Variants in MINPP1 observed in about 807,000 individuals in gnomAD.
MINPP1 encodes the protein multiple inositol-polyphosphate phosphatase 1, also known as multiple inositol polyphosphate phosphatase 1.
MINPP1 carries 28 observed loss-of-function variants against 46.1 expected under a neutral mutation model. The observed-to-expected ratio is 0.61, with a 90% CI of 0.45 to 0.83. MINPP1 has a LOEUF of 0.83. Among genes scored for constraint, MINPP1 ranks in the 40% least tolerant of loss-of-function variants. MINPP1 has a pLI of 0.00. For synonymous variants in MINPP1, 268 were observed against 249.1 expected, an observed-to-expected ratio of 1.08 and a Z score of -0.72; for missense variants, 603 against 610.0, an observed-to-expected ratio of 0.99 and a Z score of 0.12.
intron 2 of MINPP1, among the ~76,000 whole-genome samples, chr10:87,509,934 G>A (rs1473983694): frequency 6.6e-6 from 1 of 152,114 alleles, no homozygotes; most frequent in Non-Finnish European, 1.5e-5. Context: ...CTCTGAATGG[G>A]CAAGAATTAT....
intron 4 of MINPP1, among the ~76,000 whole-genome samples, chr10:87,548,593 C>T (rs1330171833): frequency 6.6e-6 from 1 of 151,968 alleles, no homozygotes; most frequent in Non-Finnish European, 1.5e-5. Flanking sequence ...TGAAATTGTG[C>T]TCTTTTTTAA....
intron 4 of MINPP1, among the ~76,000 whole-genome samples, chr10:87,526,648 A>G (rs1168120463): frequency 6.6e-6 from 1 of 152,160 alleles, no homozygotes; most frequent in Non-Finnish European, 1.5e-5. Flanking sequence ...AGTACTGCCT[A>G]GGTTTTCTTC....
intron 1 of MINPP1, chr10:87,507,967 T>C: frequency 7.4e-7 from 1 of 1,353,222 alleles, no homozygotes; most frequent in Non-Finnish European, 9.5e-7. Flanking sequence ...AGATTCCATA[T>C]GTTGAATTCT....
At chr10:87,548,311 C>G (rs763305122) in intron 4 of MINPP1, among the ~76,000 whole-genome samples, 4 of 152,094 alleles carry the variant, frequency 2.6e-5, no homozygotes, top group Non-Finnish European at 1.5e-5. Context: ...TCTTTTATCC[C>G]ACTATTCTTC....
chr10:87,518,472 C>T (rs910229441), intron 3 of MINPP1, among the ~76,000 whole-genome samples: 3 of 151,964 alleles, frequency 2.0e-5, no homozygotes, highest in Admixed American at 1.3e-4. Flanking sequence ...TCTCTCAAGC[C>T]GTGTTTTTCC....
At chr10:87,538,798 G>A (rs1277144822) in intron 4 of MINPP1, among the ~76,000 whole-genome samples, 2 of 152,210 alleles carry the variant, frequency 1.3e-5, no homozygotes, top group Admixed American at 6.5e-5. Context: ...CCTGGATCAT[G>A]TTTAAAAACA....
At chr10:87,531,783 A>C (rs902555853) in intron 4 of MINPP1, among the ~76,000 whole-genome samples, 1 of 152,204 alleles carries the variant, frequency 6.6e-6, no homozygotes, top group Non-Finnish European at 1.5e-5. Context: ...CATGCTATGT[A>C]TGTAAGGTGT....
chr10:87,525,773 T>A (rs907354057), intron 4 of MINPP1, among the ~76,000 whole-genome samples: 1 of 152,242 alleles, frequency 6.6e-6, no homozygotes, highest in Non-Finnish European at 1.5e-5. Flanking sequence ...CTCTCATTGT[T>A]CAGTTCCCAC....
chr10:87,546,826 A>T (rs765625402), intron 4 of MINPP1: 15 of 152,200 alleles, frequency 9.9e-5, no homozygotes, highest in Admixed American at 7.9e-4. Flanking sequence ...GTTACTTGGG[A>T]GGCCTACGTG....
intron 4 of MINPP1, among the ~76,000 whole-genome samples, chr10:87,530,520 G>C (rs1335818482): frequency 8.5e-6 from 1 of 117,854 alleles, no homozygotes; most frequent in African/African-American, 2.6e-5. Flanking sequence ...GGAGGCTGCA[G>C]AACAGCAAAT....
At chr10:87,538,454 T>C (rs1282087687) in intron 4 of MINPP1, among the ~76,000 whole-genome samples, 1 of 152,240 alleles carries the variant, frequency 6.6e-6, no homozygotes, top group Non-Finnish European at 1.5e-5. Context: ...TTTGTATGTT[T>C]TGTTCAGCTT....
At position 87,505,804 on chromosome 10, in the gene MINPP1, C is replaced by A. The variant is rs1171221812; in HGVS notation, c.637+252C>A. Among the ~76,000 whole-genome samples the A allele has an allele frequency of 6.6e-6, 1 of 152,158 alleles. No individual in the cohort carries two copies. The highest frequency in any genetic ancestry group is 1.9e-4 in the East Asian group (1 of 5,186). On this transcript the variant is annotated intron_variant, in intron 1 of 4. Transcript: ENST00000371996. The surrounding 1 kb of genome is among the most constrained non-coding windows in gnomAD (Gnocchi z 4.4). ...TTCAGCACCTTGTACTCGCTGCCTG[C>A]TTTAGTAGAGTTGGGGATCCAACAG...
At chr10:87,513,569 G>A (rs1851367181) in intron 3 of MINPP1, among the ~76,000 whole-genome samples, 1 of 152,120 alleles carries the variant, frequency 6.6e-6, no homozygotes, top group Admixed American at 6.5e-5. Context: ...TTTATGGGAA[G>A]CCAAAGCTCA....
intron 4 of MINPP1, among the ~76,000 whole-genome samples, chr10:87,531,474 A>G (rs1851659753): frequency 6.6e-6 from 1 of 152,236 alleles, no homozygotes; most frequent in Non-Finnish European, 1.5e-5. Context: ...GTGAATTTTC[A>G]TGCATGGCTT....
At chr10:87,534,821 A>G (rs1378401519) in intron 4 of MINPP1, among the ~76,000 whole-genome samples, 1 of 152,234 alleles carries the variant, frequency 6.6e-6, no homozygotes, top group African/African-American at 2.4e-5. Context: ...GAATCTGGAT[A>G]ACTGTGTCAG....
chr10:87,514,649 G>A (rs148803605), intron 3 of MINPP1, among the ~76,000 whole-genome samples: 413 of 152,254 alleles, frequency 2.7e-3, no homozygotes, highest in African/African-American at 9.6e-3. Context: ...AGAGCACTAC[G>A]TAAGTGATAT....
chr10:87,520,808 T>C (rs1851489874), intron 3 of MINPP1, among the ~76,000 whole-genome samples: 1 of 152,156 alleles, frequency 6.6e-6, no homozygotes, highest in Non-Finnish European at 1.5e-5. Context: ...GGCTTGCTCT[T>C]GCACACCAGC....
chr10:87,506,151 C>T (rs1407791227), intron 1 of MINPP1, among the ~76,000 whole-genome samples: 1 of 151,550 alleles, frequency 6.6e-6, no homozygotes, highest in African/African-American at 2.4e-5. Context: ...TTTACTGTAG[C>T]GTTCCCATCG....
Position 87,552,109 on chromosome 10 carries a change from C to T in MINPP1, c.1095C>T (p.Ile365=). 6.2e-7 allele frequency: 1 copy of T among 1,613,062 alleles called. No homozygotes were observed. Among genetic ancestry groups the T allele is most frequent in the South Asian group, 1.1e-5 (1 of 90,974 alleles). ...CTCAGCCAATTTCTTCTCCAGTCAT[C>T]CTCCAGTTTGGTCATGCAGAGACTC... The part of the protein sequence containing the change: ...QRSQPISSPV[I]LQFGHAETLL... The change falls in exon 5 of 5, where the codon ATC becomes ATT. Residue 365 remains isoleucine (I), a synonymous_variant. Transcript: ENST00000371996.
Sources: gnomAD v4.1 joint callset for allele counts (sites outside exome capture counted in the v4.1 genomes callset) on GRCh38, gnomAD v4.1.1 for gene constraint, Gnocchi (gnomAD v3.1) non-coding constraint, MANE v1.5 for transcripts, NCBI Gene and HGNC (gene_info 2026-07-23, HGNC 2026-07-21) for gene names.